Variants in ITPR1 observed in about 807,000 individuals in gnomAD.
The protein encoded by ITPR1 is inositol 1,4,5-trisphosphate receptor type 1.
Under a neutral mutation model 318.4 loss-of-function variants are expected in ITPR1, and 96 were observed. That is an observed-to-expected ratio of 0.30 (90% CI 0.26 to 0.36). The LOEUF (loss-of-function observed/expected upper bound fraction) is 0.36, where lower values mean the gene tolerates loss of function less well. ITPR1 is among the 10% of genes least tolerant of loss of function. The pLI, the probability that ITPR1 is intolerant of heterozygous loss-of-function variation, is 1.00. For missense variants in ITPR1, 2,440 were observed against 3,460.2 expected (o/e 0.71, Z 7.40); for synonymous variants, 1,312 against 1,289.9 (o/e 1.02, Z -0.37).
At chr3:4,616,442 C>CT (rs1357862070) in intron 4 of ITPR1, among the ~76,000 whole-genome samples, 3 of 152,172 alleles carry the variant, frequency 2.0e-5, no homozygotes, top group Non-Finnish European at 4.4e-5. Flanking sequence ...ATCATTTTGT[C>CT]TTTTCCTTCT....
rs544748480 is a variant in ITPR1 at position 4,694,119 on chromosome 3, A to T, written c.4281+378A>T. On this transcript the variant is annotated intron_variant, in intron 33 of 61. Coordinates refer to ENST00000649015, the MANE Select transcript of ITPR1 (RefSeq NM_001378452.1). ...ACTTAGTAAGTTAATTCTTTAAAAC[A>T]AAAACCCTTATTACAGAAATAATGG... 3.9e-5 allele frequency among the ~76,000 whole-genome samples: 6 copies of T among 152,184 alleles called. No individual in the cohort carries two copies. In the East Asian group the frequency reaches 1.2e-3, roughly 29 times the overall value.
At chr3:4,541,539 T>C (rs1417051174) in intron 4 of ITPR1, among the ~76,000 whole-genome samples, 1 of 152,228 alleles carries the variant, frequency 6.6e-6, no homozygotes, top group Non-Finnish European at 1.5e-5. Flanking sequence ...TCTTTTTATT[T>C]ATCCTGCATG....
intron 25 of ITPR1, 30 bp from the exon 26 acceptor site, chr3:4,681,334 C>T (rs572598623): frequency 1.3e-6 from 2 of 1,551,408 alleles, no homozygotes; most frequent in African/African-American, 1.4e-5. Flanking sequence ...GACCTTCCTG[C>T]ATCTGAAGTG....
At chr3:4,718,800 C>A (rs980858847) in intron 40 of ITPR1, among the ~76,000 whole-genome samples, 1 of 152,178 alleles carries the variant, frequency 6.6e-6, no homozygotes, top group Non-Finnish European at 1.5e-5. Context: ...GGAATTTTGC[C>A]GTTTCCTGTT....
chr3:4,557,512 A>G (rs376711510), intron 4 of ITPR1, among the ~76,000 whole-genome samples: 6 of 152,008 alleles, frequency 3.9e-5, no homozygotes, highest in Non-Finnish European at 7.4e-5. Flanking sequence ...TGTTTTTGCT[A>G]TGTTGACCAG....
intron 44 of ITPR1, among the ~76,000 whole-genome samples, chr3:4,764,433 A>G (rs990827888): frequency 6.6e-6 from 1 of 152,186 alleles, no homozygotes; most frequent in Non-Finnish European, 1.5e-5. Flanking sequence ...GGCCTCTTCT[A>G]GGTGCTCTGG....
intron 29 of ITPR1, 40 bp downstream of exon 29, chr3:4,684,386 A>C (rs897133561): frequency 1.3e-5 from 18 of 1,436,306 alleles, no homozygotes; most frequent in Non-Finnish European, 1.5e-5. Context: ...TTTCTTTATG[A>C]ATTCTCTAAG....
rs41289630 is a variant in ITPR1, at chr3:4,663,222, C to T, written c.1554+16C>T. ...TCTCAAGCAGGTCGGTGAGATGTGG[C>T]GTACTGGGGATTTGGCTTTATGAGA... On this transcript the variant is annotated intron_variant, in intron 16 of 61. Transcript: ENST00000649015. 2.1e-5 allele frequency: 33 copies of T among 1,596,780 alleles called. No individual in the cohort carries two copies. The highest frequency in any genetic ancestry group is 3.4e-5 in the South Asian group (3 of 88,996).
chr3:4,563,026 CACTT>C (rs1307446716), intron 4 of ITPR1, among the ~76,000 whole-genome samples: 2 of 152,124 alleles, frequency 1.3e-5, no homozygotes, highest in Non-Finnish European at 2.9e-5. Flanking sequence ...TAGAGGTTGA[CACTT>C]ACAAGTTTAG....
Position 4,674,129 on chromosome 3 carries a change from G to A in ITPR1, c.2457-73G>A, listed in dbSNP as rs989311143. The stretch of plus-strand genomic sequence containing the variant: ...GGGTTAGGGGATGTTGACTTTTGAA[G>A]CTGAGTGACCCAGGAAGACCTCTCT... On this transcript the variant is annotated intron_variant, in intron 21 of 61. Transcript: ENST00000649015. The A allele has an allele frequency of 3.9e-6, 5 of 1,273,636 alleles. No homozygotes were observed. In the African/African-American group the frequency reaches 4.6e-5, roughly 12 times the overall value. The allele number at this position is 1,273,636 out of a possible 1,614,324, so 78.9% of individuals were successfully genotyped here.
At chr3:4,673,067 C>A in intron 20 of ITPR1, 69 bp from the exon 21 acceptor site, 1 of 1,535,574 alleles carries the variant, frequency 6.5e-7, no homozygotes, top group Admixed American at 1.8e-5. Flanking sequence ...CAGGGCTGCC[C>A]AGACGACCCT....
intron 4 of ITPR1, among the ~76,000 whole-genome samples, chr3:4,539,804 G>C (rs1481996299): frequency 6.6e-6 from 1 of 152,106 alleles, no homozygotes; most frequent in African/African-American, 2.4e-5. Flanking sequence ...ATCGCCATGG[G>C]ATACCCTGTG....
At chr3:4,577,083 T>A (rs1416416871) in intron 4 of ITPR1, among the ~76,000 whole-genome samples, 1 of 152,212 alleles carries the variant, frequency 6.6e-6, no homozygotes, top group East Asian at 1.9e-4. Flanking sequence ...TTTCCTACAA[T>A]GAATTGTGTT....
chr3:4,685,785 A>T (rs111483773), intron 30 of ITPR1, among the ~76,000 whole-genome samples: 3,861 of 152,292 alleles, frequency 0.025, 171 homozygotes, highest in African/African-American at 0.087. Flanking sequence ...GCAGGCTGAC[A>T]GTGCTTTGCA....
In ITPR1 at chr3:4,741,201, C is replaced by T. The variant is rs561799110; in HGVS notation, c.5544+5847C>T. On this transcript the variant is annotated intron_variant, in intron 44 of 61. Coordinates refer to ENST00000649015, the MANE Select transcript of ITPR1 (RefSeq NM_001378452.1). ...GGACAGGCTATCTTTGGACATACCT[C>T]GTTTTTTATTTTTGTTTTTTTTAAG... Among the ~76,000 whole-genome samples, 39 of 152,128 alleles carry T rather than the reference C, an allele frequency of 2.6e-4. No homozygotes were observed. The East Asian group carries it at 6.8e-3, about 26-fold the overall frequency.
intron 4 of ITPR1, among the ~76,000 whole-genome samples, chr3:4,532,612 C>G (rs2083510618): frequency 6.6e-6 from 1 of 152,180 alleles, no homozygotes. Context: ...CTCAACTGAT[C>G]CTCCCACTTT....
chr3:4,629,259 A>G (rs1007320386), intron 5 of ITPR1, among the ~76,000 whole-genome samples: 3 of 151,686 alleles, frequency 2.0e-5, no homozygotes, highest in African/African-American at 7.3e-5. Flanking sequence ...CTGTCACATG[A>G]CCTTTGCACC....
chr3:4,665,624 A>G (rs927139577), intron 17 of ITPR1, among the ~76,000 whole-genome samples: 2 of 152,168 alleles, frequency 1.3e-5, no homozygotes, highest in African/African-American at 4.8e-5. Context: ...TTAAAGATAT[A>G]GTGGAGTCTT....
intron 4 of ITPR1, among the ~76,000 whole-genome samples, chr3:4,612,118 T>C (rs778137829): frequency 1.5e-5 from 2 of 129,072 alleles, no homozygotes; most frequent in Admixed American, 1.0e-4. Flanking sequence ...CAGGCTGGAG[T>C]GCAGTCCATG....
Sources: allele counts gnomAD v4.1 joint callset (sites outside exome capture counted in the v4.1 genomes callset), GRCh38; gene constraint gnomAD v4.1.1; transcripts MANE v1.5; gene names NCBI Gene and HGNC (gene_info 2026-07-23, HGNC 2026-07-21).